The following JAK1 variants were observed in gnomAD, a reference collection of about 807,000 sequenced individuals.
JAK1 encodes tyrosine-protein kinase JAK1.
Under a neutral mutation model 136.6 loss-of-function variants are expected in JAK1, and 16 were observed. The ratio of observed to expected loss-of-function variants is 0.12; its 90% CI spans 0.08 to 0.18. The LOEUF is 0.18. Ranked by LOEUF, JAK1 falls within the 10% of genes least tolerant of loss-of-function variation. The probability of loss-of-function intolerance (pLI) is 1.00; values close to 1 mark genes in which losing one functional copy is unlikely to be tolerated. For missense variants in JAK1, 859 were observed against 1,450.1 expected, an observed-to-expected ratio of 0.59 and a Z score of 6.62; for synonymous variants, 492 against 519.5, an observed-to-expected ratio of 0.95 and a Z score of 0.72.
intron 1 of JAK1, among the ~76,000 whole-genome samples, chr1:64,910,130 T>G (rs755832339): frequency 3.3e-5 from 5 of 152,222 alleles, no homozygotes; most frequent in Non-Finnish European, 5.9e-5. Context: ...CGTTATTTAT[T>G]TAATCTTTAA....
At chr1:64,900,172 A>G (rs1179207691) in intron 1 of JAK1, among the ~76,000 whole-genome samples, 1 of 152,224 alleles carries the variant, frequency 6.6e-6, no homozygotes, top group East Asian at 1.9e-4. Context: ...GCAATGGCTC[A>G]AGATTGACTA....
rs114102750 is a variant in JAK1, at chr1:65,038,144, C to T, written c.-78+6336G>A. Among the ~76,000 whole-genome samples, 479 of 151,216 alleles carry T rather than the reference C, an allele frequency of 3.2e-3. 2 individuals are homozygous for T. Among genetic ancestry groups the T allele is most frequent in the African/African-American group, 0.011 (460 of 41,204 alleles). Reference sequence around the variant, plus strand: ...GCACTGTGTCCAGAAGGGCCCCAAGCTTGGTTTAATGCTCTTATGTTGCCA... The same window carrying T: ...GCACTGTGTCCAGAAGGGCCCCAAGTTTGGTTTAATGCTCTTATGTTGCCA... On this transcript the variant is annotated intron_variant, in intron 2 of 25. Transcript: ENST00000671954.
At chr1:64,885,178 A>T (rs1557663432) in intron 2 of JAK1, among the ~76,000 whole-genome samples, 1 of 152,210 alleles carries the variant, frequency 6.6e-6, no homozygotes, top group Non-Finnish European at 1.5e-5. Flanking sequence ...AACCAGCCTG[A>T]AACAGTTAGT....
chr1:64,843,308 A>C (rs1015549264), intron 17 of JAK1, among the ~76,000 whole-genome samples: 1 of 152,206 alleles, frequency 6.6e-6, no homozygotes, highest in African/African-American at 2.4e-5. Flanking sequence ...CAACAGGAGC[A>C]CATTCCAATT....
chr1:64,851,129 C>T (rs1020441999), intron 11 of JAK1, among the ~76,000 whole-genome samples: 1 of 152,158 alleles, frequency 6.6e-6, no homozygotes, highest in Admixed American at 6.5e-5. Context: ...AAATGGAAAG[C>T]TACAATTTGT....
upstream of JAK1, among the ~76,000 whole-genome samples, chr1:64,970,693 G>T (rs1044840000): frequency 2.6e-5 from 4 of 151,932 alleles, no homozygotes; most frequent in African/African-American, 9.7e-5. Context: ...GAACCTGGGA[G>T]GCGGAGGTTG....
At chr1:65,043,636 T>G (rs929269120) in intron 2 of JAK1, among the ~76,000 whole-genome samples, 2 of 151,282 alleles carry the variant, frequency 1.3e-5, no homozygotes, top group Non-Finnish European at 2.9e-5. Flanking sequence ...CAGACTCAAG[T>G]GATTCTCCCA....
intron 1 of JAK1, among the ~76,000 whole-genome samples, chr1:64,924,350 C>G (rs1645546619): frequency 1.3e-5 from 2 of 152,124 alleles, no homozygotes; most frequent in Admixed American, 6.5e-5. Flanking sequence ...TTTTTCCCTG[C>G]AAGAATGTCT....
At chr1:64,835,903 C>T (rs1422734705) in intron 23 of JAK1, among the ~76,000 whole-genome samples, 195 bp downstream of exon 23, 2 of 152,124 alleles carry the variant, frequency 1.3e-5, no homozygotes, top group African/African-American at 2.4e-5. Context: ...TATAGAACTC[C>T]GGGCTCGTTG....
At chr1:64,944,489 C>T (rs1335533132) in intron 1 of JAK1, among the ~76,000 whole-genome samples, 1 of 151,930 alleles carries the variant, frequency 6.6e-6, no homozygotes, top group African/African-American at 2.4e-5. Flanking sequence ...GTATTCTAAG[C>T]AAACAATAAT....
At chr1:64,980,942 T>C (rs1646539917) in intron 2 of JAK1, among the ~76,000 whole-genome samples, 1 of 152,248 alleles carries the variant, frequency 6.6e-6, no homozygotes, top group Non-Finnish European at 1.5e-5. Context: ...CCATGGTGTA[T>C]ATGTGCCACA....
intron 2 of JAK1, among the ~76,000 whole-genome samples, chr1:65,027,241 T>C (rs966337268): frequency 6.6e-6 from 1 of 151,704 alleles, no homozygotes; most frequent in African/African-American, 2.4e-5. Context: ...ATTTTTTTTT[T>C]CTTTTAGTAG....
chr1:64,924,817 C>A (rs1645555177), intron 1 of JAK1, among the ~76,000 whole-genome samples: 1 of 152,104 alleles, frequency 6.6e-6, no homozygotes, highest in Non-Finnish European at 1.5e-5. Flanking sequence ...GATCTAAAAC[C>A]AGGACAGCAA....
At chr1:64,927,753 T>A (rs1204748338) in intron 1 of JAK1, among the ~76,000 whole-genome samples, 1 of 152,212 alleles carries the variant, frequency 6.6e-6, no homozygotes, top group Admixed American at 6.5e-5. Flanking sequence ...CAAACGTCTA[T>A]TAAGCAGCCA....
chr1:64,849,842 A>T (rs1655475455), intron 12 of JAK1, among the ~76,000 whole-genome samples: 1 of 152,236 alleles, frequency 6.6e-6, no homozygotes, highest in Non-Finnish European at 1.5e-5. Context: ...TAATCTCAGG[A>T]CACAGCTCTC....
chr1:64,840,336 A>C (rs1654813076), intron 19 of JAK1, among the ~76,000 whole-genome samples: 1 of 152,178 alleles, frequency 6.6e-6, no homozygotes, highest in African/African-American at 2.4e-5. Flanking sequence ...GCTTCTGACA[A>C]TGCCTGGCAC....
At chr1:64,895,919 C>T (rs1645006921) in intron 1 of JAK1, among the ~76,000 whole-genome samples, 1 of 152,216 alleles carries the variant, frequency 6.6e-6, no homozygotes, top group Non-Finnish European at 1.5e-5. Context: ...TACCTTGCAA[C>T]TGTGCAAAAT....
At chr1:64,935,584 A>T (rs12082384) in intron 1 of JAK1, among the ~76,000 whole-genome samples, 1,910 of 152,254 alleles carry the variant, frequency 0.013, 41 homozygotes, top group African/African-American at 0.044. Flanking sequence ...TACAGGCGTG[A>T]GCCACCGCAC....
intron 1 of JAK1, among the ~76,000 whole-genome samples, chr1:65,055,052 G>A (rs1647470145): frequency 6.6e-6 from 1 of 152,144 alleles, no homozygotes; most frequent in Non-Finnish European, 1.5e-5. Context: ...ATTTTTAGGT[G>A]TACATTGTGT....
Sources: gnomAD v4.1 joint callset for allele counts (sites outside exome capture counted in the v4.1 genomes callset) on GRCh38, gnomAD v4.1.1 for gene constraint, MANE v1.5 for transcripts, NCBI Gene and HGNC (gene_info 2026-07-23, HGNC 2026-07-21) for gene names.